Variants in CDH13 observed in about 807,000 individuals in gnomAD.
CDH13 encodes the protein cadherin 13, also known as cadherin-13.
In CDH13, 24 loss-of-function variants were observed where a neutral mutation model predicts 63.8. That is an observed-to-expected ratio of 0.38 (90% CI 0.27 to 0.53). The LOEUF is 0.53. CDH13 is among the 20% of genes least tolerant of loss of function. CDH13 has a pLI of 0.85. For synonymous variants in CDH13, 503 were observed against 355.3 expected, an observed-to-expected ratio of 1.42 and a Z score of -4.67; for missense variants, 1,049 against 903.1, an observed-to-expected ratio of 1.16 and a Z score of -2.07.
At chr16:83,202,382 G>A (rs1308311692) in intron 4 of CDH13, among the ~76,000 whole-genome samples, 1 of 152,150 alleles carries the variant, frequency 6.6e-6, no homozygotes, top group African/African-American at 2.4e-5. Context: ...GCTTTCCTGA[G>A]GGGACTTGAA....
chr16:82,889,049 T>G (rs1384313561), intron 2 of CDH13, among the ~76,000 whole-genome samples: 1 of 152,214 alleles, frequency 6.6e-6, no homozygotes, highest in Non-Finnish European at 1.5e-5. Flanking sequence ...ACCATGTTGA[T>G]AAGCTACTCT....
intron 5 of CDH13, among the ~76,000 whole-genome samples, chr16:83,274,338 C>T (rs1324328795): frequency 6.6e-6 from 1 of 152,114 alleles, no homozygotes; most frequent in Non-Finnish European, 1.5e-5. Context: ...TTAGCTCAGG[C>T]CCTTGGTACA....
intron 5 of CDH13, among the ~76,000 whole-genome samples, chr16:83,326,112 G>A (rs911202920): frequency 3.9e-5 from 6 of 152,154 alleles, no homozygotes; most frequent in African/African-American, 1.4e-4. Flanking sequence ...ACACAGTATT[G>A]GGGATAAGCC....
chr16:83,476,528 C>G (rs920481713), intron 6 of CDH13, among the ~76,000 whole-genome samples: 1 of 152,158 alleles, frequency 6.6e-6, no homozygotes, highest in Non-Finnish European at 1.5e-5. Context: ...CAAAAATTAG[C>G]AAGGCGTGGT....
intron 7 of CDH13, among the ~76,000 whole-genome samples, chr16:83,509,911 A>G (rs904420222): frequency 1.3e-5 from 2 of 152,216 alleles, no homozygotes; most frequent in Admixed American, 6.5e-5. Flanking sequence ...TCAAGGTCAC[A>G]CAGCTACCAG....
At chr16:82,983,697 G>A (rs79656945) in intron 2 of CDH13, among the ~76,000 whole-genome samples, 5,453 of 152,288 alleles carry the variant, frequency 0.036, 158 homozygotes, top group Middle Eastern at 0.068. Flanking sequence ...TCAGGGGTGT[G>A]TGTATGAGAG....
intron 5 of CDH13, among the ~76,000 whole-genome samples, chr16:83,278,795 G>T (rs1192109942): frequency 2.0e-5 from 3 of 152,188 alleles, no homozygotes; most frequent in African/African-American, 7.2e-5. Flanking sequence ...TGAAGAACCT[G>T]TATTCATAGC....
chr16:83,438,469 A>G (rs2072384731), intron 6 of CDH13, among the ~76,000 whole-genome samples: 2 of 152,366 alleles, frequency 1.3e-5, no homozygotes, highest in South Asian at 2.1e-4. Flanking sequence ...GGGCCCGGTC[A>G]CAGTTGTCTC....
chr16:83,393,384 G>A (rs2091825134), intron 6 of CDH13, among the ~76,000 whole-genome samples: 1 of 152,202 alleles, frequency 6.6e-6, no homozygotes, highest in South Asian at 2.1e-4. Flanking sequence ...GATGATGGAT[G>A]ACTGGCTCAG....
At chr16:83,398,238 C>CT (rs1417754981) in intron 6 of CDH13, 1 of 152,156 alleles carries the variant, frequency 6.6e-6, no homozygotes, top group African/African-American at 2.4e-5. Flanking sequence ...TCTCTAGCTT[C>CT]TGGAAGCCAG....
chr16:83,134,162 A>G (rs1285337327), intron 4 of CDH13, among the ~76,000 whole-genome samples: 4 of 152,130 alleles, frequency 2.6e-5, no homozygotes, highest in Non-Finnish European at 4.4e-5. Flanking sequence ...GCAGTCAACT[A>G]TTATGTCAGG....
intron 7 of CDH13, among the ~76,000 whole-genome samples, chr16:83,562,181 C>G (rs4076888): frequency 0.32 from 49,306 of 151,970 alleles, 8,742 homozygotes; most frequent in East Asian, 0.44. Context: ...CATAGTGGAA[C>G]TCTGGGTGCC....
intron 2 of CDH13, among the ~76,000 whole-genome samples, chr16:83,019,022 C>G (rs903469609): frequency 3.3e-5 from 5 of 152,154 alleles, no homozygotes; most frequent in African/African-American, 4.8e-5. Flanking sequence ...GGACTATAGA[C>G]TTTATAAACA....
chr16:82,830,496 C>A (rs1002407561), intron 1 of CDH13, among the ~76,000 whole-genome samples: 2 of 151,962 alleles, frequency 1.3e-5, no homozygotes, highest in South Asian at 4.2e-4. Context: ...GGGAGTGATA[C>A]AGTGAAAGTA....
At chr16:83,343,437 A>G (rs924020618) in intron 5 of CDH13, among the ~76,000 whole-genome samples, 1 of 152,246 alleles carries the variant, frequency 6.6e-6, no homozygotes, top group Non-Finnish European at 1.5e-5. Flanking sequence ...ATAACAATGC[A>G]GTGAATAGTT....
At chr16:82,849,971 G>T (rs187626281) in intron 1 of CDH13, among the ~76,000 whole-genome samples, 2 of 152,160 alleles carry the variant, frequency 1.3e-5, no homozygotes, top group Admixed American at 1.3e-4. Flanking sequence ...AATGTACCTG[G>T]ACATCCAAAA....
intron 2 of CDH13, among the ~76,000 whole-genome samples, chr16:82,865,465 C>G (rs532608163): frequency 3.3e-5 from 5 of 152,238 alleles, no homozygotes; most frequent in Admixed American, 6.5e-5. Flanking sequence ...ACCTGCAGGC[C>G]CAACACCACG....
rs377255170 is a variant in CDH13, at chr16:83,722,764, C to T, written c.1539-25344C>T. On this transcript the variant is annotated intron_variant, in intron 10 of 13. Transcript: ENST00000567109. ...GTTACAGTGCTGAGCTATTTGGAAACCAGGCTGGGGGGGTGGATTTCAATG... is the reference window on the plus strand; with the variant it reads ...GTTACAGTGCTGAGCTATTTGGAAATCAGGCTGGGGGGGTGGATTTCAATG... 2.1e-4 allele frequency among the ~76,000 whole-genome samples: 32 copies of T among 152,266 alleles called. 1 individual carries two copies. Among genetic ancestry groups the T allele is most frequent in the African/African-American group, 6.7e-4 (28 of 41,550 alleles).
chr16:82,896,219 A>G (rs1447363658), intron 2 of CDH13, among the ~76,000 whole-genome samples: 1 of 147,886 alleles, frequency 6.8e-6, no homozygotes, highest in Non-Finnish European at 1.5e-5. Flanking sequence ...TTCTTACAAC[A>G]CTGCCAGGCA....
Sources: allele counts gnomAD v4.1 joint callset (sites outside exome capture counted in the v4.1 genomes callset), GRCh38; gene constraint gnomAD v4.1.1; transcripts MANE v1.5; gene names NCBI Gene and HGNC (gene_info 2026-07-23, HGNC 2026-07-21).